The following ABTB3 variants were observed in gnomAD, a reference collection of about 807,000 sequenced individuals.
ABTB3 encodes ankyrin repeat- and BTB/POZ domain-containing protein 3.
At chr12:107,449,005 T>A in the ABTB3 span, among the ~76,000 whole-genome samples, 1 of 152,188 alleles carries the variant, frequency 6.6e-6, no homozygotes, top group Non-Finnish European at 1.5e-5. Context: ...TTCTGACAAG[T>A]AAGGGGCAGG....
At chr12:107,408,691 C>A in the ABTB3 span, among the ~76,000 whole-genome samples, 1 of 152,202 alleles carries the variant, frequency 6.6e-6, no homozygotes, top group African/African-American at 2.4e-5. Flanking sequence ...CACTGGACTT[C>A]GGTATCTTGA....
the ABTB3 span, among the ~76,000 whole-genome samples, chr12:107,389,329 A>G: frequency 6.6e-6 from 1 of 152,232 alleles, no homozygotes; most frequent in Non-Finnish European, 1.5e-5. Context: ...TACTAGGCAT[A>G]TTGCATGCTT....
chr12:107,503,387 T>A, the ABTB3 span, among the ~76,000 whole-genome samples: 1 of 152,084 alleles, frequency 6.6e-6, no homozygotes, highest in Non-Finnish European at 1.5e-5. Flanking sequence ...AGGAATTGGC[T>A]AACCTTGAGT....
At chr12:107,330,450 T>C in the ABTB3 span, among the ~76,000 whole-genome samples, 1 of 152,182 alleles carries the variant, frequency 6.6e-6, no homozygotes, top group Non-Finnish European at 1.5e-5. Context: ...GCTAAGACAA[T>C]AAGTAGAGAA....
the ABTB3 span, among the ~76,000 whole-genome samples, chr12:107,469,476 C>T: frequency 6.6e-6 from 1 of 152,214 alleles, no homozygotes; most frequent in Admixed American, 6.5e-5. Context: ...CACTGGCACC[C>T]ATCTGATGGG....
the ABTB3 span, among the ~76,000 whole-genome samples, chr12:107,361,211 C>T: frequency 6.6e-6 from 1 of 152,166 alleles, no homozygotes; most frequent in South Asian, 2.1e-4. Flanking sequence ...GACCCATCAT[C>T]CCACCATCTA....
At chr12:107,580,690 G>T in the ABTB3 span, 2 of 730,704 alleles carry the variant, frequency 2.7e-6, no homozygotes, top group East Asian at 6.5e-5. Context: ...GCTGCAGATG[G>T]GAAGGGAGTG....
chr12:107,507,431 C>G, the ABTB3 span, among the ~76,000 whole-genome samples: 1 of 152,082 alleles, frequency 6.6e-6, no homozygotes, highest in African/African-American at 2.4e-5. Context: ...CAGAAAGTGC[C>G]GTTCTCTGCC....
chr12:107,568,973 T>G, the ABTB3 span, among the ~76,000 whole-genome samples: 7 of 152,210 alleles, frequency 4.6e-5, no homozygotes, highest in African/African-American at 1.7e-4. Flanking sequence ...TTTTCCTAAG[T>G]AGAGTTCTGA....
chr12:107,509,350 C>T, the ABTB3 span, among the ~76,000 whole-genome samples: 1 of 152,232 alleles, frequency 6.6e-6, no homozygotes, highest in South Asian at 2.1e-4. Context: ...GGAGAATTTT[C>T]AGAATTGAGT....
At chr12:107,506,368 G>A in the ABTB3 span, among the ~76,000 whole-genome samples, 2 of 152,114 alleles carry the variant, frequency 1.3e-5, no homozygotes, top group African/African-American at 4.8e-5. Context: ...CACTCAAAAG[G>A]CAGTTGAAAA....
At chr12:107,559,248 T>C in the ABTB3 span, among the ~76,000 whole-genome samples, 1 of 152,222 alleles carries the variant, frequency 6.6e-6, no homozygotes, top group Non-Finnish European at 1.5e-5. Context: ...AGATCACCAG[T>C]TGGCCTCCTC....
chr12:107,580,046 C>T, the ABTB3 span, among the ~76,000 whole-genome samples: 1 of 152,160 alleles, frequency 6.6e-6, no homozygotes, highest in African/African-American at 2.4e-5. Context: ...CGTCCGCAGA[C>T]CAGTAGCATC....
chr12:107,411,844 A>G, the ABTB3 span, among the ~76,000 whole-genome samples: 1 of 152,050 alleles, frequency 6.6e-6, no homozygotes. Context: ...TATGTCTCTG[A>G]TTAGTGGATG....
the ABTB3 span, among the ~76,000 whole-genome samples, chr12:107,348,464 G>A: frequency 9.9e-5 from 15 of 152,182 alleles, no homozygotes; most frequent in Non-Finnish European, 4.4e-5. Context: ...GCCTGGTGCA[G>A]TGGCTCATGC....
the ABTB3 span, among the ~76,000 whole-genome samples, chr12:107,464,256 T>C: frequency 8.0e-6 from 1 of 124,438 alleles, no homozygotes; most frequent in Non-Finnish European, 1.7e-5. Flanking sequence ...TGTGTGTGTG[T>C]GTGTATTTAT....
At chr12:107,405,510 C>T in the ABTB3 span, among the ~76,000 whole-genome samples, 1 of 152,262 alleles carries the variant, frequency 6.6e-6, no homozygotes, top group East Asian at 1.9e-4. Flanking sequence ...CACCACTCTC[C>T]GAGCAGTGGG....
chr12:107,524,061 A>G, the ABTB3 span, among the ~76,000 whole-genome samples: 1 of 152,212 alleles, frequency 6.6e-6, no homozygotes, highest in African/African-American at 2.4e-5. Context: ...TTCACCTAAG[A>G]GGCAGCCTGC....
the ABTB3 span, chr12:107,613,007 AGTTGCT>A: frequency 1.2e-6 from 1 of 814,438 alleles, no homozygotes. Context: ...GTGTCCTTTT[AGTTGCT>A]GTGGCCCTGG....
Sources: allele counts gnomAD v4.1 joint callset (sites outside exome capture counted in the v4.1 genomes callset), GRCh38; gene constraint gnomAD v4.1.1; transcripts MANE v1.5; gene names NCBI Gene and HGNC (gene_info 2026-07-23, HGNC 2026-07-21).